Variants in GPC6 observed in about 807,000 individuals in gnomAD.
GPC6 encodes glypican 6.
In GPC6, 14 loss-of-function variants were observed where a neutral mutation model predicts 55.2. That is an observed-to-expected ratio of 0.25 (90% CI 0.17 to 0.40). GPC6 has a LOEUF of 0.40. Among genes scored for constraint, GPC6 ranks in the 10% least tolerant of loss-of-function variants. The probability of loss-of-function intolerance (pLI) is 1.00; values close to 1 mark genes in which losing one functional copy is unlikely to be tolerated. For missense variants in GPC6, 641 were observed against 708.5 expected (o/e 0.90, Z 1.08); for synonymous variants, 278 against 259.6 (o/e 1.07, Z -0.68).
intron 1 of GPC6, among the ~76,000 whole-genome samples, chr13:93,342,867 T>A (rs1025769025): frequency 6.6e-6 from 1 of 152,202 alleles, no homozygotes; most frequent in African/African-American, 2.4e-5. Flanking sequence ...GCTATTGTTT[T>A]ATATAAATGG....
intron 3 of GPC6, among the ~76,000 whole-genome samples, chr13:94,023,449 G>A (rs1334933222): frequency 6.6e-6 from 1 of 151,944 alleles, no homozygotes; most frequent in African/African-American, 2.4e-5. Context: ...TACACCCATG[G>A]AAAGGCTAAA....
At chr13:93,565,603 A>G (rs1489111199) in intron 2 of GPC6, among the ~76,000 whole-genome samples, 1 of 152,124 alleles carries the variant, frequency 6.6e-6, no homozygotes, top group East Asian at 1.9e-4. Flanking sequence ...GACCCTCAGC[A>G]TCTTTACAAA....
chr13:93,799,286 C>G (rs746879045), intron 2 of GPC6, among the ~76,000 whole-genome samples: 1 of 152,060 alleles, frequency 6.6e-6, no homozygotes, highest in African/African-American at 2.4e-5. Flanking sequence ...CATGAACTCC[C>G]CCCTAATTTA....
chr13:94,287,737 G>GA (rs1204776193), intron 5 of GPC6, among the ~76,000 whole-genome samples: 1 of 152,090 alleles, frequency 6.6e-6, no homozygotes, highest in Non-Finnish European at 1.5e-5. Context: ...CTTTCCTGTG[G>GA]AAAAAATAGC....
intron 3 of GPC6, among the ~76,000 whole-genome samples, chr13:93,875,147 G>A (rs1889251038): frequency 6.6e-6 from 1 of 151,974 alleles, no homozygotes; most frequent in Non-Finnish European, 1.5e-5. Context: ...TTTCAAGTTT[G>A]GTGAAGGCCC....
intron 1 of GPC6, among the ~76,000 whole-genome samples, chr13:93,398,830 T>C (rs1409038090): frequency 6.6e-6 from 1 of 152,180 alleles, no homozygotes; most frequent in Non-Finnish European, 1.5e-5. Flanking sequence ...AAATTGAGCC[T>C]GTCTGAGGGC....
chr13:94,060,493 A>G (rs1045220381), intron 4 of GPC6, among the ~76,000 whole-genome samples: 6 of 152,186 alleles, frequency 3.9e-5, no homozygotes, highest in African/African-American at 1.4e-4. Flanking sequence ...TGTTCATTTC[A>G]CTTGCCACTT....
intron 4 of GPC6, among the ~76,000 whole-genome samples, chr13:94,091,371 G>T (rs966616347): frequency 1.3e-5 from 2 of 152,104 alleles, no homozygotes; most frequent in African/African-American, 2.4e-5. Context: ...AGAGGATTCT[G>T]ATCTTGTTAT....
intron 1 of GPC6, among the ~76,000 whole-genome samples, chr13:93,541,032 T>A (rs1443174946): frequency 1.3e-5 from 2 of 152,084 alleles, no homozygotes; most frequent in African/African-American, 4.8e-5. Flanking sequence ...TCCTTTTTTT[T>A]TTATTATTAT....
intron 3 of GPC6, among the ~76,000 whole-genome samples, chr13:93,841,632 A>G (rs1364444264): frequency 6.6e-6 from 1 of 152,196 alleles, no homozygotes; most frequent in Non-Finnish European, 1.5e-5. Flanking sequence ...ATTCAGACGT[A>G]AGTAAAACTA....
intron 2 of GPC6, among the ~76,000 whole-genome samples, chr13:93,761,857 A>AT (rs1214343035): frequency 1.3e-5 from 2 of 151,876 alleles, no homozygotes; most frequent in South Asian, 2.1e-4. Context: ...AAATACTATC[A>AT]TTTTTTTGTG....
At chr13:94,400,900 C>A (rs944283851) in intron 8 of GPC6, among the ~76,000 whole-genome samples, 25 of 152,154 alleles carry the variant, frequency 1.6e-4, no homozygotes, top group African/African-American at 5.1e-4. Context: ...CTCATTTTTA[C>A]GGGTGAGGAA....
intron 2 of GPC6, among the ~76,000 whole-genome samples, chr13:93,769,145 A>G (rs1166882065): frequency 6.6e-6 from 1 of 152,144 alleles, no homozygotes; most frequent in Non-Finnish European, 1.5e-5. Context: ...TTCTAAGTCA[A>G]TATTTTCCCA....
intron 6 of GPC6, among the ~76,000 whole-genome samples, chr13:94,313,967 T>C (rs140098676): frequency 6.6e-6 from 1 of 152,320 alleles, no homozygotes; most frequent in East Asian, 1.9e-4. Context: ...TAAACCCAAA[T>C]TGATGCATTC....
chr13:93,648,091 ACT>A (rs1281037550), intron 2 of GPC6, among the ~76,000 whole-genome samples: 1 of 151,888 alleles, frequency 6.6e-6, no homozygotes, highest in Non-Finnish European at 1.5e-5. Flanking sequence ...CCTTGTCAAC[ACT>A]CTTGCTGTCC....
chr13:94,337,321 T>A (rs1028612872), intron 6 of GPC6, among the ~76,000 whole-genome samples: 1 of 152,142 alleles, frequency 6.6e-6, no homozygotes, highest in African/African-American at 2.4e-5. Flanking sequence ...CATCGTCAAA[T>A]AAAAATATAA....
intron 2 of GPC6, among the ~76,000 whole-genome samples, chr13:93,648,144 C>T (rs537497176): frequency 3.3e-5 from 5 of 152,220 alleles, no homozygotes; most frequent in African/African-American, 9.6e-5. Flanking sequence ...TCATCCCTGC[C>T]TTTCTACAAG....
At chr13:94,106,702 G>A (rs1442699189) in intron 4 of GPC6, among the ~76,000 whole-genome samples, 1 of 152,096 alleles carries the variant, frequency 6.6e-6, no homozygotes, top group East Asian at 1.9e-4. Flanking sequence ...TAAATGAATG[G>A]AATTTTAAAA....
intron 2 of GPC6, among the ~76,000 whole-genome samples, chr13:93,770,373 A>G (rs1594442145): frequency 6.6e-6 from 1 of 152,140 alleles, no homozygotes; most frequent in South Asian, 2.1e-4. Flanking sequence ...GTCCAAAGGT[A>G]TTTATTTTCT....
Sources: gnomAD v4.1 joint callset for allele counts (sites outside exome capture counted in the v4.1 genomes callset) on GRCh38, gnomAD v4.1.1 for gene constraint, MANE v1.5 for transcripts, NCBI Gene and HGNC (gene_info 2026-07-23, HGNC 2026-07-21) for gene names.